The following OSBPL8 variants were observed in gnomAD, a reference collection of about 807,000 sequenced individuals.
The protein encoded by OSBPL8 is oxysterol-binding protein-related protein 8.
Under a neutral mutation model 125.5 loss-of-function variants are expected in OSBPL8, and 59 were observed. The observed-to-expected ratio is 0.47, with a 90% CI of 0.38 to 0.58. The LOEUF is 0.58. Among genes scored for constraint, OSBPL8 ranks in the 20% least tolerant of loss-of-function variants. The probability of loss-of-function intolerance (pLI) is 0.00; values close to 1 mark genes in which losing one functional copy is unlikely to be tolerated. For synonymous variants in OSBPL8, 330 were observed against 338.9 expected (o/e 0.97, Z 0.29); for missense variants, 758 against 1,047.8 (o/e 0.72, Z 3.82).
intron 1 of OSBPL8, among the ~76,000 whole-genome samples, chr12:76,513,336 T>G (rs1490443092): frequency 6.6e-6 from 1 of 152,238 alleles, no homozygotes; most frequent in Admixed American, 6.5e-5. Context: ...AAGGATTGTT[T>G]TATATCCAAT....
intron 4 of OSBPL8, 144 bp downstream of exon 4, chr12:76,450,707 C>CTCA: frequency 5.2e-6 from 4 of 768,836 alleles, no homozygotes; most frequent in Non-Finnish European, 8.1e-6. Context: ...TATAGATGAC[C>CTCA]TAAACAAAAC....
At chr12:76,508,170 C>CA (rs893152469) in intron 1 of OSBPL8, among the ~76,000 whole-genome samples, 231 of 125,768 alleles carry the variant, frequency 1.8e-3, no homozygotes, top group African/African-American at 2.0e-3. Context: ...GACTCCATCT[C>CA]AAAAAAAAAA....
intron 1 of OSBPL8, among the ~76,000 whole-genome samples, chr12:76,496,099 C>T (rs557394919): frequency 3.6e-4 from 55 of 152,192 alleles, no homozygotes; most frequent in African/African-American, 1.2e-3. Context: ...TTTTAACTTT[C>T]GTCTTTTTTT....
chr12:76,413,029 G>T (rs1383594120), intron 4 of OSBPL8, among the ~76,000 whole-genome samples: 1 of 152,036 alleles, frequency 6.6e-6, no homozygotes, highest in Non-Finnish European at 1.5e-5. Flanking sequence ...CCTGAAAAGG[G>T]TCTAATCTTT....
At chr12:76,516,209 G>A (rs1359537226) in intron 1 of OSBPL8, among the ~76,000 whole-genome samples, 1 of 152,194 alleles carries the variant, frequency 6.6e-6, no homozygotes, top group Non-Finnish European at 1.5e-5. Flanking sequence ...CTTCCTGAAA[G>A]CAGGAGATGA....
At chr12:76,411,641 T>C (rs938071861) in intron 4 of OSBPL8, among the ~76,000 whole-genome samples, 11 of 151,854 alleles carry the variant, frequency 7.2e-5, no homozygotes, top group Non-Finnish European at 1.3e-4. Context: ...TTATATGATA[T>C]AAAAAAAGGG....
At chr12:76,421,371 T>G (rs1463847974) in intron 4 of OSBPL8, among the ~76,000 whole-genome samples, 3 of 152,070 alleles carry the variant, frequency 2.0e-5, no homozygotes, top group African/African-American at 7.2e-5. Context: ...TAATATGGAT[T>G]GAGTGCTATT....
intron 4 of OSBPL8, among the ~76,000 whole-genome samples, chr12:76,424,337 G>C (rs928456457): frequency 1.3e-5 from 2 of 151,970 alleles, no homozygotes; most frequent in African/African-American, 4.8e-5. Flanking sequence ...TTCTTTCTTG[G>C]GCAAAGGCAT....
At chr12:76,492,606 T>C (rs1205447471) in intron 1 of OSBPL8, among the ~76,000 whole-genome samples, 3 of 152,140 alleles carry the variant, frequency 2.0e-5, no homozygotes, top group Non-Finnish European at 4.4e-5. Context: ...CAGCATTAGA[T>C]TCTCATAGGA....
chr12:76,475,125 A>T (rs1017504585), intron 2 of OSBPL8, among the ~76,000 whole-genome samples: 1 of 151,966 alleles, frequency 6.6e-6, no homozygotes, highest in Non-Finnish European at 1.5e-5. Context: ...ACTCCCATGA[A>T]TTTTTTTTAT....
chr12:76,537,461 A>G (rs1950528782), intron 1 of OSBPL8, among the ~76,000 whole-genome samples: 1 of 152,240 alleles, frequency 6.6e-6, no homozygotes, highest in Non-Finnish European at 1.5e-5. Flanking sequence ...ACAGTGTTTC[A>G]TATACAGAAA....
chr12:76,547,859 G>C (rs184801316), intron 1 of OSBPL8, among the ~76,000 whole-genome samples: 1 of 152,254 alleles, frequency 6.6e-6, no homozygotes, highest in East Asian at 1.9e-4. Context: ...TGCAAGTTGG[G>C]GTAGGGGACA....
chr12:76,360,216 T>C (rs1175682871), intron 21 of OSBPL8, among the ~76,000 whole-genome samples: 1 of 152,172 alleles, frequency 6.6e-6, no homozygotes, highest in Non-Finnish European at 1.5e-5. Context: ...CTGTTCCAAA[T>C]GGGAGAAATT....
At chr12:76,400,969 TG>T (rs1954029147) in intron 6 of OSBPL8, among the ~76,000 whole-genome samples, 1 of 151,858 alleles carries the variant, frequency 6.6e-6, no homozygotes, top group Admixed American at 6.6e-5. Context: ...TTGTATTTTT[TG>T]TAGAGATGGG....
chr12:76,435,155 C>CGTGTGT lies in OSBPL8; in HGVS notation c.217+15690_217+15695dup, dbSNP rs71082308. Among the ~76,000 whole-genome samples, 969 of 146,548 alleles carry CGTGTGT rather than the reference C, an allele frequency of 6.6e-3. 13 individuals are homozygous for CGTGTGT. Among genetic ancestry groups the CGTGTGT allele is most frequent in the African/African-American group, 0.019 (775 of 40,248 alleles). On this transcript the variant is annotated intron_variant, in intron 4 of 23. Coordinates refer to ENST00000261183, the MANE Select transcript of OSBPL8 (RefSeq NM_020841.5). Reference sequence around the variant, plus strand: ...ACTGAGGTGTTTGTGTATATATCTACGTGTGTGTGTGTGTGTGTGTGTGTG... The same window carrying CGTGTGT: ...ACTGAGGTGTTTGTGTATATATCTACGTGTGTGTGTGTGTGTGTGTGTGTGTGTGTG...
rs188340357 is a variant in OSBPL8 at position 76,507,614 on chromosome 12, G to A, written c.-67-19996C>T. Among the ~76,000 whole-genome samples the A allele has an allele frequency of 8.4e-4, 127 of 151,720 alleles. 1 individual carries two copies. The highest frequency in any genetic ancestry group is 2.3e-3 in the Admixed American group (35 of 15,274). On this transcript the variant is annotated intron_variant, in intron 1 of 23. Transcript: ENST00000261183. ...GCAGGTGGATCACCTGAGGTCAGGA[G>A]TTTGAGACCAGCCTGGCCAACATGG... is the stretch of plus-strand genomic sequence containing the variant.
rs1951861861 is a variant in OSBPL8 at position 76,352,588 on chromosome 12, A to G, written c.*3301T>C. On this transcript the variant is annotated 3_prime_UTR_variant, in exon 24 of 24. Transcript: ENST00000261183. ...TGTGGGATTTTCCCCACTGGTTCAA[A>G]TTGGAAAATTTGATATAAATCTAAT... 1 of 152,514 alleles carries G rather than the reference A, an allele frequency of 6.6e-6. No homozygotes were observed. Among genetic ancestry groups the G allele is most frequent in the African/African-American group, 2.4e-5 (1 of 41,444 alleles). 9.4% of individuals were successfully genotyped at this position (152,514 alleles called of 1,614,324 possible). A position where few individuals can be genotyped will look rare whatever the true frequency, so the allele number is the denominator to read the frequency against.
intron 2 of OSBPL8, among the ~76,000 whole-genome samples, chr12:76,466,653 C>A (rs1875472143): frequency 6.6e-6 from 1 of 152,120 alleles, no homozygotes; most frequent in African/African-American, 2.4e-5. Context: ...GAAAATTGAA[C>A]CCTTTTTTAA....
chr12:76,402,742 A>G lies in OSBPL8; in HGVS notation c.313T>C (p.Ser105Pro). 6.2e-7 allele frequency: 1 copy of G among 1,605,998 alleles called. No individual in the cohort carries two copies. The highest frequency in any genetic ancestry group is 8.5e-7 in the Non-Finnish European group (1 of 1,173,358). The change falls in exon 6 of 24, where the codon TCA (serine) becomes CCA (proline). Residue 105 changes from serine (S) to proline (P), a missense_variant. Physicochemically the swap from Ser to Pro is moderately conservative, Grantham distance 74. Coordinates refer to ENST00000261183, the MANE Select transcript of OSBPL8 (RefSeq NM_020841.5). Reference protein sequence around the residue: ...SKSESKLYNGSEKDSSTSSKL... With the variant: ...SKSESKLYNGPEKDSSTSSKL... ...CTTGAAGTTGAACTGTCCTTCTCTG[A>G]GCCATTATAAAGTTTAGATTCAGAC...
Sources: gnomAD v4.1 joint callset for allele counts (sites outside exome capture counted in the v4.1 genomes callset) on GRCh38, gnomAD v4.1.1 for gene constraint, MANE v1.5 for transcripts, NCBI Gene and HGNC (gene_info 2026-07-23, HGNC 2026-07-21) for gene names.